GLS: variants seen among roughly 807,000 people sequenced by gnomAD.
GLS encodes the protein glutaminase kidney isoform, mitochondrial.
A neutral mutation model predicts 86.7 loss-of-function variants in GLS; 36 were observed. The observed-to-expected ratio is 0.42, with a 90% CI of 0.32 to 0.55. GLS has a LOEUF of 0.55. Among genes scored for constraint, GLS ranks in the 20% least tolerant of loss-of-function variants. GLS has a pLI of 0.17. For synonymous variants in GLS, 317 were observed against 305.9 expected (o/e 1.04, Z -0.38); for missense variants, 528 against 833.4 (o/e 0.63, Z 4.51).
chr2:190,933,025 G>A, intron 14 of GLS: 1 of 1,126,730 alleles, frequency 8.9e-7, no homozygotes. Context: ...TATAAAGGCA[G>A]TAGATTAAGA....
Position 190,881,099 on chromosome 2 carries a change from A to G in GLS, c.15A>G (p.Arg5=). The G allele has an allele frequency of 6.4e-7, 1 of 1,561,344 alleles. No individual in the cohort carries two copies. Among genetic ancestry groups the G allele is most frequent in the African/African-American group, 1.4e-5 (1 of 73,918 alleles). The change falls in exon 1 of 18, where the codon CGA becomes CGG. Residue 5 remains arginine (R), a synonymous_variant. Transcript: ENST00000320717. The part of the protein sequence containing the change: MMRL[R]GSGMLRDLLL... The stretch of plus-strand genomic sequence containing the variant: ...GACCCGGCGGCATGATGCGGCTGCG[A>G]GGCTCGGGGATGCTGCGGGACCTGC...
intron 1 of GLS, among the ~76,000 whole-genome samples, chr2:190,881,754 C>T (rs891524652): frequency 7.2e-5 from 11 of 152,176 alleles, no homozygotes; most frequent in African/African-American, 2.4e-4. Context: ...CTGGCGTCCC[C>T]AGCGCCAGAG....
At chr2:190,926,016 T>G (rs142457700) in intron 11 of GLS, among the ~76,000 whole-genome samples, 392 of 152,350 alleles carry the variant, frequency 2.6e-3, no homozygotes, top group Non-Finnish European at 4.8e-3. Flanking sequence ...TTGGCTGTTA[T>G]AGAATCTACT....
chr2:190,916,442 C>T (rs767707148), intron 7 of GLS, among the ~76,000 whole-genome samples: 1 of 152,034 alleles, frequency 6.6e-6, no homozygotes, highest in Non-Finnish European at 1.5e-5. Context: ...TATATGTAGG[C>T]ATGTGCTTTT....
intron 1 of GLS, among the ~76,000 whole-genome samples, chr2:190,894,234 C>T (rs916997364): frequency 6.6e-6 from 1 of 152,234 alleles, no homozygotes; most frequent in East Asian, 1.9e-4. Context: ...TAATATTTGC[C>T]TATAACCTAC....
chr2:190,939,766 TATTAAATGAG>T (rs1690374492), intron 14 of GLS, among the ~76,000 whole-genome samples: 1 of 151,814 alleles, frequency 6.6e-6, no homozygotes, highest in Admixed American at 6.6e-5. Flanking sequence ...GACTTTCTTC[TATTAAATGAG>T]ATTGATACCT....
intron 1 of GLS, among the ~76,000 whole-genome samples, chr2:190,894,714 A>G (rs1343539875): frequency 6.6e-6 from 1 of 152,236 alleles, no homozygotes; most frequent in South Asian, 2.1e-4. Flanking sequence ...CCCAGATTTT[A>G]TAATCAGGTT....
rs1337093365 is a variant in GLS, at chr2:190,881,334, G to C, written c.250G>C (p.Gly84Arg). 6.5e-7 allele frequency: 1 copy of C among 1,532,294 alleles called. No homozygotes were observed. The allele number at this position is 1,532,294 out of a possible 1,614,324, so 94.9% of individuals were successfully genotyped here. A position where few individuals can be genotyped will look rare whatever the true frequency, so the allele number is the denominator to read the frequency against. ...SSPSEILQEL[G>R]KGSTHPQPGV... ...TCCTTCGGAGATCTTGCAGGAGCTG[G>C]GCAAGGGGAGCACGCATCCGCAGCC... Residue 84 changes from glycine (G) to arginine (R), a missense_variant, in exon 1 of 18, where the codon GGC (glycine) becomes CGC (arginine). By Grantham distance (125) the Gly-to-Arg change is moderately radical (BLOSUM62 -2). Transcript: ENST00000320717.
rs969543568 is a variant in GLS, at chr2:190,913,498, A to C, written c.1038+3177A>C. ...ACTTTAAAGGAATACTTTTTGTTGT[A>C]ATCTGTTTTATTTGGGATTGTGATA... On this transcript the variant is annotated intron_variant, in intron 7 of 17. Transcript: ENST00000320717. This position sits in a 1 kb window ranked among gnomAD's most constrained non-coding sequence, Gnocchi z 6.1. 2 of 990,440 alleles carry C rather than the reference A, an allele frequency of 2.0e-6. No homozygotes were observed. Among genetic ancestry groups the C allele is most frequent in the Non-Finnish European group, 2.4e-6 (2 of 823,944 alleles). 61.4% of individuals were successfully genotyped at this position (990,440 alleles called of 1,614,324 possible). A position where few individuals can be genotyped will look rare whatever the true frequency, so the allele number is the denominator to read the frequency against.
rs1184650537 is a variant in GLS, at chr2:190,954,831, G to A, written c.1853+13G>A. 4 of 1,560,490 alleles carry A rather than the reference G, an allele frequency of 2.6e-6. No homozygotes were observed. Among genetic ancestry groups the A allele is most frequent in the Middle Eastern group, 1.7e-4 (1 of 5,900 alleles). Reference sequence around the variant, plus strand: ...TCCCCAAGGACAGGTGAGCACTTATGTTACCTTCTAAATATGTCAGTATTT... The same window carrying A: ...TCCCCAAGGACAGGTGAGCACTTATATTACCTTCTAAATATGTCAGTATTT... On this transcript the variant is annotated intron_variant, in intron 17 of 17. Coordinates refer to ENST00000320717, the MANE Select transcript of GLS (RefSeq NM_014905.5). This position sits in a 1 kb window ranked among gnomAD's most constrained non-coding sequence, Gnocchi z 4.0.
chr2:190,923,970 TAAAAG>T lies in GLS; in HGVS notation c.1192_1196del (p.Lys398ValfsTer22), dbSNP rs1279704277. On this transcript the variant is annotated frameshift_variant, in exon 10 of 18. Coordinates refer to ENST00000320717, the MANE Select transcript of GLS (RefSeq NM_014905.5). LOFTEE classifies it high-confidence loss of function. ...CGAAATTTTGCAATAGGATATTACT[TAAAAG>T]AAAAGAAGGTTTTTAAATTTTTGTT... 4.1e-6 allele frequency: 6 copies of T among 1,478,880 alleles called. No individual in the cohort carries two copies. Among genetic ancestry groups the T allele is most frequent in the Non-Finnish European group, 5.6e-6 (6 of 1,070,108 alleles). 91.6% of individuals were successfully genotyped at this position (1,478,880 alleles called of 1,614,324 possible). A position where few individuals can be genotyped will look rare whatever the true frequency, so the allele number is the denominator to read the frequency against.
chr2:190,948,601 A>C (rs937120372), intron 14 of GLS, among the ~76,000 whole-genome samples: 11 of 152,340 alleles, frequency 7.2e-5, no homozygotes, highest in Admixed American at 5.2e-4. Flanking sequence ...AGAAGTACCA[A>C]CATAGTTTTA....
intron 5 of GLS, among the ~76,000 whole-genome samples, chr2:190,904,757 A>G (rs1396617101): frequency 6.6e-6 from 1 of 152,174 alleles, no homozygotes; most frequent in Admixed American, 6.5e-5. Flanking sequence ...CAAATGCTAT[A>G]TCATTGTATA....
intron 14 of GLS, chr2:190,933,347 A>T: frequency 1.1e-6 from 1 of 888,564 alleles, no homozygotes; most frequent in Non-Finnish European, 1.3e-6. Context: ...ATGAACCCCA[A>T]ATTATTTTAT....
At chr2:190,886,916 CAAA>C (rs11299475) in intron 1 of GLS, among the ~76,000 whole-genome samples, 43 of 118,324 alleles carry the variant, frequency 3.6e-4, no homozygotes, top group Middle Eastern at 4.1e-3. Context: ...ACTCTTGTCT[CAAA>C]AAAAAAAAAA....
chr2:190,884,948 A>G (rs1015713492), intron 1 of GLS, among the ~76,000 whole-genome samples: 1 of 152,240 alleles, frequency 6.6e-6, no homozygotes, highest in Non-Finnish European at 1.5e-5. Context: ...TAAAAACTGC[A>G]TAGCTGTGAT....
chr2:190,928,055 T>G (rs1689958194), intron 12 of GLS, among the ~76,000 whole-genome samples: 1 of 151,848 alleles, frequency 6.6e-6, no homozygotes, highest in Admixed American at 6.6e-5. Context: ...GAGAGAGAGA[T>G]ACATTTAATG....
chr2:190,905,980 T>C lies in GLS; in HGVS notation c.979+813T>C, dbSNP rs1401410460. 6.6e-6 allele frequency among the ~76,000 whole-genome samples: 1 copy of C among 152,128 alleles called. No individual in the cohort carries two copies. On this transcript the variant is annotated intron_variant, in intron 6 of 17. Transcript: ENST00000320717. This position sits in a 1 kb window ranked among gnomAD's most constrained non-coding sequence, Gnocchi z 4.6. ...GCTGTATAAAAAATGAAATGTGCCT[T>C]ATACTCATTATTTTATTAGTTTGTA...
rs1689847685 is a variant in GLS, at chr2:190,924,819, G to T, written c.1248+226G>T. ...AGTCCCAGTTACTTGTGAGGCTGAG[G>T]CAGGAGAATCCCTTGAACCTGGAAG... On this transcript the variant is annotated intron_variant, in intron 11 of 17. Coordinates refer to ENST00000320717, the MANE Select transcript of GLS (RefSeq NM_014905.5). This position sits in a 1 kb window ranked among gnomAD's most constrained non-coding sequence, Gnocchi z 5.2. 2.5e-6 allele frequency: 1 copy of T among 402,984 alleles called. No homozygotes were observed. Among genetic ancestry groups the T allele is most frequent in the Non-Finnish European group, 4.6e-6 (1 of 219,778 alleles). 25.0% of individuals were successfully genotyped at this position (402,984 alleles called of 1,614,324 possible).
Sources: gnomAD v4.1 joint callset for allele counts (sites outside exome capture counted in the v4.1 genomes callset) on GRCh38, gnomAD v4.1.1 for gene constraint, Gnocchi (gnomAD v3.1) non-coding constraint, MANE v1.5 for transcripts, NCBI Gene and HGNC (gene_info 2026-07-23, HGNC 2026-07-21) for gene names.